PLXNB2: variants seen among roughly 807,000 people sequenced by gnomAD.
PLXNB2 encodes plexin-B2.
A neutral mutation model predicts 202.6 loss-of-function variants in PLXNB2; 85 were observed. The observed-to-expected ratio is 0.42, with a 90% CI of 0.35 to 0.50. The LOEUF is 0.50. PLXNB2 is among the 20% of genes least tolerant of loss of function. PLXNB2 has a pLI of 0.02. For missense variants in PLXNB2, 2,063 were observed against 2,586.2 expected (o/e 0.80, Z 4.39); for synonymous variants, 1,239 against 1,137.6 (o/e 1.09, Z -1.79).
chr22:50,295,510 G>C (rs532351864), intron 1 of PLXNB2, among the ~76,000 whole-genome samples: 1 of 152,230 alleles, frequency 6.6e-6, no homozygotes, highest in African/African-American at 2.4e-5. Flanking sequence ...AAGCCTCAGA[G>C]TGTTACACTG....
At chr22:50,279,857 T>C in intron 26 of PLXNB2, 81 bp from the exon 27 acceptor site, 8 of 1,539,974 alleles carry the variant, frequency 5.2e-6, no homozygotes, top group Non-Finnish European at 6.3e-6. Context: ...GCCAGAGGCA[T>C]GGACGGGGCT....
In PLXNB2 at chr22:50,289,161, C is replaced by A; in HGVS notation, c.1069-19G>T. 1 of 1,536,584 alleles carries A rather than the reference C, an allele frequency of 6.5e-7. No individual in the cohort carries two copies. Among genetic ancestry groups the A allele is most frequent in the Non-Finnish European group, 8.8e-7 (1 of 1,142,478 alleles). On this transcript the variant is annotated intron_variant, in intron 3 of 36. Coordinates refer to ENST00000359337, the MANE Select transcript of PLXNB2 (RefSeq NM_012401.4). The surrounding 1 kb of genome is among the most constrained non-coding windows in gnomAD (Gnocchi z 8.0). ...TGGAGCCCTGCGGACCACAGCGTGT[C>A]AATGGCAGGCAGACCCCCTGTCCTG...
chr22:50,281,306 G>A (rs931700600), intron 22 of PLXNB2, 54 bp downstream of exon 22: 23 of 1,598,884 alleles, frequency 1.4e-5, no homozygotes, highest in Non-Finnish European at 1.7e-5. Flanking sequence ...CAGAGGGGCC[G>A]AGGCGGGAGG....
intron 1 of PLXNB2, chr22:50,300,447 C>T (rs894712209): frequency 5.1e-5 from 20 of 392,620 alleles, no homozygotes; most frequent in African/African-American, 3.9e-4. Flanking sequence ...ACGACCCTGC[C>T]CGGAGCAGCC....
chr22:50,289,842 C>A lies in PLXNB2; in HGVS notation c.743G>T (p.Arg248Leu). 1 of 1,613,294 alleles carries A rather than the reference C, an allele frequency of 6.2e-7. No homozygotes were observed. Among genetic ancestry groups the A allele is most frequent in the Non-Finnish European group, 8.5e-7 (1 of 1,180,034 alleles). Reference sequence around the variant, plus strand: ...GTAGTTGGGGTCTTCTCTGCACATGCGTGCCAGCAGCGTGCGGTTCCGGGC... The same window carrying A: ...GTAGTTGGGGTCTTCTCTGCACATGAGTGCCAGCAGCGTGCGGTTCCGGGC... ...HPARNRTLLA[R>L]MCREDPNYYS... is the part of the protein sequence containing the mutation. Residue 248 changes from arginine to leucine, a missense_variant, in exon 3 of 37, where the codon CGC (arginine) becomes CTC (leucine). By Grantham distance (102) the Arg-to-Leu change is moderately radical. Coordinates refer to ENST00000359337, the MANE Select transcript of PLXNB2 (RefSeq NM_012401.4). The surrounding 1 kb of genome is among the most constrained non-coding windows in gnomAD (Gnocchi z 8.0).
rs28696899 is a variant in PLXNB2 at position 50,289,083 on chromosome 22, G to C, written c.1128C>G (p.Arg376=). 1 of 1,599,614 alleles carries C rather than the reference G, an allele frequency of 6.3e-7. No individual in the cohort carries two copies. The highest frequency in any genetic ancestry group is 8.5e-7 in the Non-Finnish European group (1 of 1,173,208). ...GCACGGCTGTGCCTCTGAGCCCGTC[G>C]CGGCTGCCCAGCGGGTAGGGCAGGT... The part of the protein sequence containing the change: ...SEHLPYPLGS[R]DGLRGTAVLQ... The change falls in exon 4 of 37, where the codon CGC becomes CGG. Residue 376 remains arginine, a synonymous_variant. Coordinates refer to ENST00000359337, the MANE Select transcript of PLXNB2 (RefSeq NM_012401.4). This position sits in a 1 kb window ranked among gnomAD's most constrained non-coding sequence, Gnocchi z 8.0.
intron 35 of PLXNB2, 78 bp from the exon 36 acceptor site, chr22:50,276,041 C>G: frequency 7.3e-7 from 1 of 1,374,754 alleles, no homozygotes; most frequent in Non-Finnish European, 1.0e-6. Context: ...ACGGGACGCC[C>G]AGGACGAGGC....
At chr22:50,285,195 G>C (rs2066334879) in intron 11 of PLXNB2, among the ~76,000 whole-genome samples, 4 of 149,686 alleles carry the variant, frequency 2.7e-5, no homozygotes, top group Non-Finnish European at 3.0e-5. Flanking sequence ...TAGCCTGCCT[G>C]TCACCAACCG....
At chr22:50,277,789 TG>T in intron 32 of PLXNB2, 51 bp from the exon 33 acceptor site, 1 of 1,600,110 alleles carries the variant, frequency 6.2e-7, no homozygotes, top group Non-Finnish European at 8.5e-7. Context: ...GCGGGGTGGG[TG>T]TGGAGCCTCC....
Position 50,290,447 on chromosome 22 carries a change from C to T in PLXNB2, c.138G>A (p.Val46=), listed in dbSNP as rs1444236849. 2 of 1,612,968 alleles carry T rather than the reference C, an allele frequency of 1.2e-6. No homozygotes were observed. The highest frequency in any genetic ancestry group is 2.2e-5 in the South Asian group (2 of 91,086). The stretch of plus-strand genomic sequence containing the variant: ...AGAGGGCATTCACCGCCCCCAGGTA[C>T]ACCACGCCTGAGGCCTCATCCACAG... ...HLAVDEASGV[V]YLGAVNALYQ... is the part of the protein sequence containing the mutation. The change falls in exon 3 of 37, where the codon GTG becomes GTA. Residue 46 remains valine (V), a synonymous_variant. Coordinates refer to ENST00000359337, the MANE Select transcript of PLXNB2 (RefSeq NM_012401.4).
In PLXNB2 at chr22:50,280,918, G is replaced by A. The variant is rs200106831; in HGVS notation, c.3819C>T (p.Pro1273=). The part of the protein sequence containing the change: ...QTNDVHEAGI[P]VLDYKTYTDR... ...CGGTGTAGGTCTTGTAGTCCAGCACGGGGATGCCGGCCTCGTGCACGTCGT... is the reference window on the plus strand; with the variant it reads ...CGGTGTAGGTCTTGTAGTCCAGCACAGGGATGCCGGCCTCGTGCACGTCGT... Residue 1273 remains proline (P), a synonymous_variant, in exon 24 of 37, where the codon CCC becomes CCT. Coordinates refer to ENST00000359337, the MANE Select transcript of PLXNB2 (RefSeq NM_012401.4). 165 of 1,613,192 alleles carry A rather than the reference G, an allele frequency of 1.0e-4. No homozygotes were observed. Among genetic ancestry groups the A allele is most frequent in the Non-Finnish European group, 1.2e-4 (137 of 1,179,866 alleles).
rs774192435 is a variant in PLXNB2 at position 50,288,860 on chromosome 22, G to A, written c.1263C>T (p.Thr421=). The A allele has an allele frequency of 3.7e-6, 6 of 1,613,324 alleles. No homozygotes were observed. The highest frequency in any genetic ancestry group is 2.5e-6 in the Non-Finnish European group (3 of 1,179,986). ...SDGRILKVYL[T]PDGTSSEYDS... ...CGTACTCTGAGGAGGTGCCATCTGG[G>A]GTGAGGTACACCTGTGTGCGCGAGG... Residue 421 remains threonine (T), a synonymous_variant, in exon 5 of 37, where the codon ACC becomes ACT. Coordinates refer to ENST00000359337, the MANE Select transcript of PLXNB2 (RefSeq NM_012401.4). This position sits in a 1 kb window ranked among gnomAD's most constrained non-coding sequence, Gnocchi z 5.0.
chr22:50,278,354 G>T, intron 30 of PLXNB2, 81 bp downstream of exon 30: 1 of 1,572,502 alleles, frequency 6.4e-7, no homozygotes, highest in Non-Finnish European at 8.7e-7. Flanking sequence ...AGGGTGGGCA[G>T]GGGTGCATGT....
chr22:50,275,864 C>A (rs762124319), intron 36 of PLXNB2, 25 bp downstream of exon 36: 2 of 1,610,854 alleles, frequency 1.2e-6, no homozygotes, highest in Non-Finnish European at 1.7e-6. Flanking sequence ...CCCACCTGCC[C>A]CCGCCCCCGG....
Position 50,275,273 on chromosome 22 carries a change from G to A in PLXNB2, c.*431C>T. 2.5e-6 allele frequency: 1 copy of A among 404,456 alleles called. No homozygotes were observed. The highest frequency in any genetic ancestry group is 1.7e-5 in the South Asian group (1 of 60,108). The allele number at this position is 404,456 out of a possible 1,614,324, so 25.1% of individuals were successfully genotyped here. The stretch of plus-strand genomic sequence containing the variant: ...GCTTTTTCTCCTCCTCCCATCTCGT[G>A]GTGGACAGACAGACATAGGATCTGG... On this transcript the variant is annotated 3_prime_UTR_variant, in exon 37 of 37. Coordinates refer to ENST00000359337, the MANE Select transcript of PLXNB2 (RefSeq NM_012401.4).
At chr22:50,306,740 C>T (rs993065916) in intron 1 of PLXNB2, among the ~76,000 whole-genome samples, 7 of 152,060 alleles carry the variant, frequency 4.6e-5, no homozygotes, top group Non-Finnish European at 8.8e-5. Flanking sequence ...CACCCCCTGT[C>T]CTGACTCTGC....
intron 33 of PLXNB2, 123 bp from the exon 34 acceptor site, chr22:50,277,029 G>A (rs913316073): frequency 1.2e-4 from 83 of 704,776 alleles, no homozygotes; most frequent in African/African-American, 9.2e-4. Flanking sequence ...ACTATGGGCC[G>A]GGCGCAGTGG....
intron 33 of PLXNB2, 88 bp from the exon 34 acceptor site, chr22:50,276,994 A>G (rs1276383110): frequency 2.4e-5 from 21 of 879,522 alleles, no homozygotes; most frequent in Non-Finnish European, 2.6e-5. Flanking sequence ...CCCTGCCCCG[A>G]ACTCCTGACA....
At position 50,284,915 on chromosome 22, in the gene PLXNB2, T is replaced by C. The variant is rs763869717; in HGVS notation, c.2089-250A>G. The C allele has an allele frequency of 4.2e-5, 26 of 624,496 alleles. No individual in the cohort carries two copies. The African/African-American group carries it at 4.8e-4, about 11-fold the overall frequency. 38.7% of individuals were successfully genotyped at this position (624,496 alleles called of 1,614,324 possible). ...GCCACCTCCACCACTCATCCACACC[T>C]GAGAACATCGCCCGGCCCACCTGAC... On this transcript the variant is annotated intron_variant, in intron 11 of 36. Transcript: ENST00000359337. This position sits in a 1 kb window ranked among gnomAD's most constrained non-coding sequence, Gnocchi z 8.0.
Sources: gnomAD v4.1 joint callset for allele counts (sites outside exome capture counted in the v4.1 genomes callset) on GRCh38, gnomAD v4.1.1 for gene constraint, Gnocchi (gnomAD v3.1) non-coding constraint, MANE v1.5 for transcripts, NCBI Gene and HGNC (gene_info 2026-07-23, HGNC 2026-07-21) for gene names.